The following POF1B variants were observed in gnomAD, a reference collection of about 807,000 sequenced individuals.
POF1B encodes POF1B actin binding protein.
A neutral mutation model predicts 55.3 loss-of-function variants in POF1B; 53 were observed. That is an observed-to-expected ratio of 0.96 (90% CI 0.77 to 1.20). POF1B has a LOEUF of 1.20. POF1B is among the 50% of genes most tolerant of loss of function. The probability of loss-of-function intolerance (pLI) is 0.00; values close to 1 mark genes in which losing one functional copy is unlikely to be tolerated. For synonymous variants in POF1B, 188 were observed against 148.3 expected, an observed-to-expected ratio of 1.27 and a Z score of -1.95; for missense variants, 478 against 420.5, an observed-to-expected ratio of 1.14 and a Z score of -1.20.
intron 2 of POF1B, among the ~76,000 whole-genome samples, chrX:85,374,936 A>T (rs1933895914): frequency 8.9e-6 from 1 of 112,046 alleles, no homozygotes; most frequent in Non-Finnish European, 1.9e-5. Flanking sequence ...TCTTTGATTT[A>T]GGATAAAATC....
Position 85,278,879 on chromosome X carries a change from C to T in POF1B, c.*542G>A, listed in dbSNP as rs908438371. Reference sequence around the variant, plus strand: ...TTTGACTTTCAAGAGGTGAAAATAGCGTGTAATAAAGCATATCTTTTAGTC... The same window carrying T: ...TTTGACTTTCAAGAGGTGAAAATAGTGTGTAATAAAGCATATCTTTTAGTC... On this transcript the variant is annotated 3_prime_UTR_variant, in exon 17 of 17. Coordinates refer to ENST00000262753, the MANE Select transcript of POF1B (RefSeq NM_024921.4). The T allele has an allele frequency of 9.0e-6, 1 of 110,719 alleles. No individual in the cohort carries two copies. The highest frequency in any genetic ancestry group is 3.7e-4 in the South Asian group (1 of 2,694). 9.1% of individuals were successfully genotyped at this position (110,719 alleles called of 1,213,427 possible). A position where few individuals can be genotyped will look rare whatever the true frequency, so the allele number is the denominator to read the frequency against.
chrX:85,346,358 T>C (rs1933272053), intron 5 of POF1B, among the ~76,000 whole-genome samples: 1 of 110,112 alleles, frequency 9.1e-6, no homozygotes, highest in South Asian at 3.8e-4. Flanking sequence ...AATATTAATA[T>C]TACTTTGATG....
At position 85,352,636 on chromosome X, in the gene POF1B, G is replaced by A. The variant is rs750712626; in HGVS notation, c.439-1185C>T. On this transcript the variant is annotated intron_variant, in intron 4 of 16. Coordinates refer to ENST00000262753, the MANE Select transcript of POF1B (RefSeq NM_024921.4). ...TTAAATCTAAAGCTGGATATATTTA[G>A]AAAGACTTCCCTAGAAGATATTTTG... is the stretch of plus-strand genomic sequence containing the variant. Among the ~76,000 whole-genome samples the A allele has an allele frequency of 2.7e-5, 3 of 111,410 alleles. No individual in the cohort carries two copies. The East Asian group carries it at 8.5e-4, about 32-fold the overall frequency.
intron 15 of POF1B, 40 bp downstream of exon 15, chrX:85,303,363 GATC>G (rs755782536): frequency 6.3e-5 from 57 of 907,873 alleles, no homozygotes; most frequent in Non-Finnish European, 2.9e-5. Flanking sequence ...TGGATTATAT[GATC>G]ATAATTTTTA....
intron 7 of POF1B, among the ~76,000 whole-genome samples, chrX:85,320,084 T>A (rs1439987906): frequency 9.0e-6 from 1 of 111,531 alleles, no homozygotes; most frequent in Non-Finnish European, 1.9e-5. Context: ...ATTCAGTCTC[T>A]TCCTGGTTCC....
chrX:85,306,710 G>A (rs1932583264), intron 11 of POF1B, among the ~76,000 whole-genome samples: 1 of 111,427 alleles, frequency 9.0e-6, no homozygotes, highest in Non-Finnish European at 1.9e-5. Context: ...TAGGAGTAAA[G>A]ATCAGGAAGA....
chrX:85,321,063 A>G (rs1398688381), intron 7 of POF1B, among the ~76,000 whole-genome samples: 1 of 111,978 alleles, frequency 8.9e-6, no homozygotes, highest in African/African-American at 3.2e-5. Flanking sequence ...ATCAATAGAA[A>G]AAGAGGGAAT....
chrX:85,285,932 A>C (rs1932043818), intron 15 of POF1B, among the ~76,000 whole-genome samples: 1 of 111,785 alleles, frequency 8.9e-6, no homozygotes, highest in Non-Finnish European at 1.9e-5. Context: ...AGCATGATAA[A>C]AAATGTTAAA....
At position 85,299,290 on chromosome X, in the gene POF1B, CT is replaced by C. The variant is rs755021082; in HGVS notation, c.1649+4115del. ...CACTGCAAGCTCCACCTCCTGTTTT[CT>C]TTTTTTTTTTTTTTTGAGACGGAGT... On this transcript the variant is annotated intron_variant, in intron 15 of 16. Transcript: ENST00000262753. Among the ~76,000 whole-genome samples, 41 of 62,002 alleles carry C rather than the reference CT, an allele frequency of 6.6e-4. 1 individual carries two copies. Among genetic ancestry groups the C allele is most frequent in the East Asian group, 2.6e-3 (5 of 1,901 alleles). The allele number at this position is 62,002 out of a possible 115,157, so 53.8% of individuals were successfully genotyped here.
At chrX:85,320,656 A>G (rs1932828177) in intron 7 of POF1B, among the ~76,000 whole-genome samples, 1 of 111,372 alleles carries the variant, frequency 9.0e-6, no homozygotes, top group Admixed American at 9.6e-5. Context: ...CCAGGAGCTG[A>G]TTTTTTTGAA....
intron 15 of POF1B, among the ~76,000 whole-genome samples, chrX:85,302,167 C>T (rs768758368): frequency 7.2e-4 from 80 of 110,884 alleles, no homozygotes; most frequent in Non-Finnish European, 1.3e-3. Flanking sequence ...AAAGACAACC[C>T]ATGGAATTGA....
intron 7 of POF1B, among the ~76,000 whole-genome samples, chrX:85,318,352 T>C (rs1294271226): frequency 8.9e-6 from 1 of 112,305 alleles, no homozygotes; most frequent in African/African-American, 3.2e-5. Context: ...TTTATTTTGC[T>C]GTGCAGAAGT....
At chrX:85,327,908 G>C (rs1932915579) in intron 7 of POF1B, among the ~76,000 whole-genome samples, 1 of 111,699 alleles carries the variant, frequency 9.0e-6, no homozygotes, top group African/African-American at 3.2e-5. Flanking sequence ...ATTTTAAAAA[G>C]TAACCAGAAT....
In POF1B at chrX:85,331,060, C is replaced by T; in HGVS notation, c.743G>A (p.Gly248Asp). ...ICEQVIIQDD[G>D]PEKLDPRYFG... is the part of the protein sequence containing the mutation. ...ATATCTGGGGTCCAATTTTTCAGGGCCATCATCCTGAATTATCACCTGAAG... is the reference window on the plus strand; with the variant it reads ...ATATCTGGGGTCCAATTTTTCAGGGTCATCATCCTGAATTATCACCTGAAG... Residue 248 changes from glycine to aspartate, a missense_variant, in exon 7 of 17, where the codon GGC (glycine) becomes GAC (aspartate). By Grantham distance (94) the Gly-to-Asp change is moderately conservative. Coordinates refer to ENST00000262753, the MANE Select transcript of POF1B (RefSeq NM_024921.4). 1 of 1,203,086 alleles carries T rather than the reference C, an allele frequency of 8.3e-7. No homozygotes were observed. The highest frequency in any genetic ancestry group is 2.2e-5 in the Admixed American group (1 of 44,955).
At chrX:85,308,271 T>C in intron 9 of POF1B, 55 bp from the exon 10 acceptor site, 1 of 866,148 alleles carries the variant, frequency 1.2e-6, no homozygotes, top group Non-Finnish European at 1.6e-6. Context: ...AAATAGGCAA[T>C]ATAAGTGAAA....
rs775611768 is a variant in POF1B at position 85,303,504 on chromosome X, T to C, written c.1567-16A>G. The C allele has an allele frequency of 1.9e-6, 2 of 1,031,350 alleles. No homozygotes were observed. Among genetic ancestry groups the C allele is most frequent in the African/African-American group, 1.9e-5 (1 of 52,680 alleles). The allele number at this position is 1,031,350 out of a possible 1,213,427, so 85.0% of individuals were successfully genotyped here. A position where few individuals can be genotyped will look rare whatever the true frequency, so the allele number is the denominator to read the frequency against. ...TGGAGAGTTCCTTACAAATAAAAGA[T>C]AATATAATCATTTGATGGAAAGTAG... On this transcript the variant is annotated splice_polypyrimidine_tract_variant and intron_variant, in intron 14 of 16. Coordinates refer to ENST00000262753, the MANE Select transcript of POF1B (RefSeq NM_024921.4).
intron 15 of POF1B, among the ~76,000 whole-genome samples, chrX:85,285,088 C>T (rs1932017747): frequency 9.0e-6 from 1 of 111,550 alleles, no homozygotes; most frequent in African/African-American, 3.3e-5. Context: ...CAGAGAAATG[C>T]AAATTAAAAC....
At chrX:85,281,512 C>A (rs1931897214) in intron 16 of POF1B, among the ~76,000 whole-genome samples, 1 of 109,851 alleles carries the variant, frequency 9.1e-6, no homozygotes, top group African/African-American at 3.3e-5. Flanking sequence ...AATAATCAGT[C>A]CCCTTAGCAA....
chrX:85,314,308 A>G (rs1478599831), intron 9 of POF1B, 124 bp downstream of exon 9: 5 of 508,087 alleles, frequency 9.8e-6, no homozygotes, highest in Middle Eastern at 3.6e-4. Context: ...GTCTAACCAA[A>G]GAATCCTCAA....
Sources: allele counts gnomAD v4.1 joint callset (sites outside exome capture counted in the v4.1 genomes callset), GRCh38; gene constraint gnomAD v4.1.1; transcripts MANE v1.5; gene names NCBI Gene and HGNC (gene_info 2026-07-23, HGNC 2026-07-21).